NUBPL: variants seen among roughly 807,000 people sequenced by gnomAD.
The protein encoded by NUBPL is iron-sulfur cluster transfer protein NUBPL.
A neutral mutation model predicts 45.7 loss-of-function variants in NUBPL; 31 were observed. That is an observed-to-expected ratio of 0.68 (90% CI 0.51 to 0.92). NUBPL has a LOEUF of 0.92. NUBPL is among the 40% of genes least tolerant of loss of function. The probability of loss-of-function intolerance (pLI) is 0.00; values close to 1 mark genes in which losing one functional copy is unlikely to be tolerated. For synonymous variants in NUBPL, 144 were observed against 140.9 expected, an observed-to-expected ratio of 1.02 and a Z score of -0.15; for missense variants, 401 against 398.7, an observed-to-expected ratio of 1.01 and a Z score of -0.05.
At chr14:31,729,035 CT>C (rs773198008) in intron 6 of NUBPL, among the ~76,000 whole-genome samples, 2 of 152,166 alleles carry the variant, frequency 1.3e-5, no homozygotes, top group African/African-American at 2.4e-5. Flanking sequence ...AATCCCAGTG[CT>C]TTGGGAGGCT....
intron 6 of NUBPL, among the ~76,000 whole-genome samples, chr14:31,754,098 T>A (rs777518048): frequency 1.3e-5 from 2 of 152,212 alleles, no homozygotes; most frequent in Non-Finnish European, 2.9e-5. Context: ...AGAAGATGAA[T>A]GTTGGGCACG....
chr14:31,733,372 T>TTCTAAAATTTC (rs1179023212), intron 6 of NUBPL, among the ~76,000 whole-genome samples: 1 of 152,174 alleles, frequency 6.6e-6, no homozygotes, highest in African/African-American at 2.4e-5. Context: ...AATTAGCCTG[T>TTCTAAAATTTC]TAATTTCTGC....
intron 4 of NUBPL, among the ~76,000 whole-genome samples, chr14:31,641,593 T>C (rs2035701597): frequency 6.6e-6 from 1 of 152,222 alleles, no homozygotes. Context: ...GAGGAGTACT[T>C]AGGTTTATTC....
chr14:31,715,915 C>T (rs1275496514), intron 6 of NUBPL, among the ~76,000 whole-genome samples: 1 of 151,372 alleles, frequency 6.6e-6, no homozygotes, highest in Admixed American at 6.6e-5. Flanking sequence ...ATATTTATAC[C>T]ACAAACACAT....
At chr14:31,659,021 T>G (rs750877243) in intron 4 of NUBPL, among the ~76,000 whole-genome samples, 1 of 152,192 alleles carries the variant, frequency 6.6e-6, no homozygotes, top group Admixed American at 6.5e-5. Flanking sequence ...GGAATAGTTA[T>G]GGAGAGCTGT....
At chr14:31,595,905 ATTT>A (rs34594633) in intron 3 of NUBPL, among the ~76,000 whole-genome samples, 9 of 135,374 alleles carry the variant, frequency 6.6e-5, no homozygotes, top group Middle Eastern at 3.7e-3. Context: ...ATGGACACTG[ATTT>A]TTTTTTTTTT....
intron 4 of NUBPL, among the ~76,000 whole-genome samples, chr14:31,661,029 T>G (rs1171506147): frequency 6.6e-6 from 1 of 152,238 alleles, no homozygotes; most frequent in African/African-American, 2.4e-5. Context: ...TGGCATTTAT[T>G]CTAGTTTAAC....
intron 6 of NUBPL, among the ~76,000 whole-genome samples, chr14:31,752,327 T>C (rs2038550205): frequency 6.6e-6 from 1 of 152,214 alleles, no homozygotes; most frequent in South Asian, 2.1e-4. Context: ...TGAACACATA[T>C]GACTATATAC....
In NUBPL at chr14:31,566,654, G is replaced by A. The variant is rs148629995; in HGVS notation, c.291+1606G>A. 1.6e-3 allele frequency among the ~76,000 whole-genome samples: 240 copies of A among 152,064 alleles called. 1 individual carries two copies. Among genetic ancestry groups the A allele is most frequent in the African/African-American group, 5.1e-3 (211 of 41,496 alleles). ...AACCTGTAAATATGTTACTTTTCCT[G>A]CCAAAAGGAACTTTGCTGGTGTGAC... On this transcript the variant is annotated intron_variant, in intron 3 of 10. Coordinates refer to ENST00000281081, the MANE Select transcript of NUBPL (RefSeq NM_025152.3).
chr14:31,797,822 C>G (rs1449339946), intron 7 of NUBPL, among the ~76,000 whole-genome samples: 2 of 136,596 alleles, frequency 1.5e-5, no homozygotes, highest in Non-Finnish European at 3.1e-5. Flanking sequence ...GCAGTTTCTT[C>G]CTAGTCTCGA....
At chr14:31,664,803 A>G (rs1219134424) in intron 4 of NUBPL, among the ~76,000 whole-genome samples, 1 of 152,174 alleles carries the variant, frequency 6.6e-6, no homozygotes, top group East Asian at 1.9e-4. Context: ...ATAGTTTCAG[A>G]AGGAATGGTA....
intron 8 of NUBPL, among the ~76,000 whole-genome samples, chr14:31,831,913 A>G (rs534366381): frequency 6.6e-6 from 1 of 152,340 alleles, no homozygotes; most frequent in Non-Finnish European, 1.5e-5. Context: ...GAGCCAGGAA[A>G]CATAGAGGAA....
At chr14:31,777,186 T>G (rs2039111895) in intron 6 of NUBPL, among the ~76,000 whole-genome samples, 1 of 152,284 alleles carries the variant, frequency 6.6e-6, no homozygotes, top group Admixed American at 6.5e-5. Flanking sequence ...GCTACATGGC[T>G]CTATTTAAAA....
chr14:31,801,779 A>G (rs527470683), intron 7 of NUBPL, among the ~76,000 whole-genome samples: 55 of 152,328 alleles, frequency 3.6e-4, no homozygotes, highest in Non-Finnish European at 7.9e-4. Context: ...GAGGGAAGCT[A>G]TCATGATCCC....
At chr14:31,841,924 T>TTTGTTTTG (rs1566593583) in intron 8 of NUBPL, among the ~76,000 whole-genome samples, 1 of 113,512 alleles carries the variant, frequency 8.8e-6, no homozygotes, top group Non-Finnish European at 1.8e-5. Flanking sequence ...GGGCTTTTTT[T>TTTGTTTTG]TTTTTTTTTT....
At position 31,843,054 on chromosome 14, in the gene NUBPL, G is replaced by A. The variant is rs147777968; in HGVS notation, c.694-3417G>A. Among the ~76,000 whole-genome samples the A allele has an allele frequency of 6.8e-3, 1,039 of 152,224 alleles. 10 individuals carry two copies. Among genetic ancestry groups the A allele is most frequent in the African/African-American group, 0.023 (965 of 41,528 alleles). On this transcript the variant is annotated intron_variant, in intron 8 of 10. Transcript: ENST00000281081. The stretch of plus-strand genomic sequence containing the variant: ...CAGGTTTATTTGTCTCATGCTCTGT[G>A]TCCATTGTGGTTTGGCTTCAACACT...
chr14:31,812,861 A>G (rs968027846), intron 7 of NUBPL, among the ~76,000 whole-genome samples: 6 of 152,174 alleles, frequency 3.9e-5, no homozygotes, highest in African/African-American at 1.4e-4. Context: ...ACAGACAGAG[A>G]CAGATATGCA....
chr14:31,763,972 A>C (rs1595598816), intron 6 of NUBPL, among the ~76,000 whole-genome samples: 1 of 152,362 alleles, frequency 6.6e-6, no homozygotes, highest in Admixed American at 6.5e-5. Flanking sequence ...AAACTAAGGC[A>C]GACAAAATAT....
Position 31,561,425 on chromosome 14 carries a change from G to A in NUBPL, c.-15G>A. On this transcript the variant is annotated 5_prime_UTR_variant, in exon 1 of 11. Transcript: ENST00000281081. ...CGACAGTTTCCCAGCAGGGCTCACA[G>A]CAGCGTTCCGCGTCATGGGGATTTG... 3 of 1,381,032 alleles carry A rather than the reference G, an allele frequency of 2.2e-6. No homozygotes were observed. Among genetic ancestry groups the A allele is most frequent in the South Asian group, 3.8e-5 (2 of 52,862 alleles). 85.5% of individuals were successfully genotyped at this position (1,381,032 alleles called of 1,614,324 possible). A position where few individuals can be genotyped will look rare whatever the true frequency, so the allele number is the denominator to read the frequency against.
Sources: allele counts gnomAD v4.1 joint callset (sites outside exome capture counted in the v4.1 genomes callset), GRCh38; gene constraint gnomAD v4.1.1; transcripts MANE v1.5; gene names NCBI Gene and HGNC (gene_info 2026-07-23, HGNC 2026-07-21).